EPHA5: variants seen among roughly 807,000 people sequenced by gnomAD.
EPHA5 encodes the protein ephrin type-A receptor 5.
Under a neutral mutation model 105.0 loss-of-function variants are expected in EPHA5, and 60 were observed. The ratio of observed to expected loss-of-function variants is 0.57; its 90% CI spans 0.46 to 0.71. EPHA5 has a LOEUF of 0.71. Ranked by LOEUF, EPHA5 falls within the 30% of genes least tolerant of loss-of-function variation. The probability of loss-of-function intolerance (pLI) is 0.00; values close to 1 mark genes in which losing one functional copy is unlikely to be tolerated. For missense variants in EPHA5, 1,218 were observed against 1,274.7 expected, an observed-to-expected ratio of 0.96 and a Z score of 0.68; for synonymous variants, 513 against 449.1, an observed-to-expected ratio of 1.14 and a Z score of -1.80.
chr4:65,477,499 G>T (rs983849715), intron 5 of EPHA5, among the ~76,000 whole-genome samples: 1 of 151,960 alleles, frequency 6.6e-6, no homozygotes, highest in Non-Finnish European at 1.5e-5. Context: ...TGAAACCTCT[G>T]CCTCCCGGGT....
intron 8 of EPHA5, among the ~76,000 whole-genome samples, chr4:65,388,217 T>C (rs948527064): frequency 5.3e-5 from 8 of 149,966 alleles, no homozygotes; most frequent in African/African-American, 2.0e-4. Flanking sequence ...CAGTCTATCA[T>C]TGTTGGACAT....
intron 2 of EPHA5, among the ~76,000 whole-genome samples, chr4:65,642,680 G>T (rs1214014099): frequency 6.6e-6 from 1 of 151,736 alleles, no homozygotes; most frequent in African/African-American, 2.4e-5. Context: ...TCACACATCT[G>T]GTTTACTCAT....
intron 16 of EPHA5, chr4:65,331,232 C>G: frequency 7.8e-6 from 8 of 1,029,440 alleles, no homozygotes; most frequent in Non-Finnish European, 9.4e-6. Context: ...ACCATAAAGA[C>G]AGTTAATTTT....
intron 5 of EPHA5, among the ~76,000 whole-genome samples, chr4:65,480,285 A>G (rs776856143): frequency 2.6e-5 from 4 of 152,212 alleles, no homozygotes; most frequent in Non-Finnish European, 5.9e-5. Context: ...AAATGTGTCA[A>G]CTTCATTGGA....
intron 3 of EPHA5, among the ~76,000 whole-genome samples, chr4:65,577,058 A>G (rs564488841): frequency 6.6e-6 from 1 of 152,344 alleles, no homozygotes; most frequent in Admixed American, 6.5e-5. Flanking sequence ...TAGAATGTTT[A>G]CATGTGCACT....
chr4:65,555,190 T>C (rs1156633499), intron 3 of EPHA5, among the ~76,000 whole-genome samples: 4 of 151,890 alleles, frequency 2.6e-5, no homozygotes, highest in Non-Finnish European at 4.4e-5. Context: ...CCCATGTGTG[T>C]CCTTAGTAGC....
chr4:65,497,145 A>G, intron 3 of EPHA5, among the ~76,000 whole-genome samples: 1 of 152,164 alleles, frequency 6.6e-6, no homozygotes. Context: ...CTATTTTCAA[A>G]GCTCACTACA....
intron 9 of EPHA5, among the ~76,000 whole-genome samples, chr4:65,366,435 A>G (rs974031742): frequency 6.6e-6 from 1 of 151,862 alleles, no homozygotes; most frequent in South Asian, 2.1e-4. Context: ...TAATCCCATT[A>G]GTATTAATTT....
intron 3 of EPHA5, among the ~76,000 whole-genome samples, chr4:65,589,055 C>A (rs1742389057): frequency 6.6e-6 from 1 of 152,108 alleles, no homozygotes; most frequent in South Asian, 2.1e-4. Flanking sequence ...TATTTAAAAT[C>A]TAATCCAAGT....
At chr4:65,388,148 C>T (rs1577985804) in intron 8 of EPHA5, among the ~76,000 whole-genome samples, 1 of 150,066 alleles carries the variant, frequency 6.7e-6, no homozygotes, top group South Asian at 2.1e-4. Flanking sequence ...GACATGAACT[C>T]ATCATTTTTT....
At chr4:65,642,856 T>G (rs889499233) in intron 2 of EPHA5, among the ~76,000 whole-genome samples, 13 of 151,932 alleles carry the variant, frequency 8.6e-5, no homozygotes, top group African/African-American at 3.1e-4. Flanking sequence ...TCTTGGAATC[T>G]TTTTTTATCT....
At chr4:65,646,860 C>T (rs1430023010) in intron 1 of EPHA5, among the ~76,000 whole-genome samples, 1 of 152,036 alleles carries the variant, frequency 6.6e-6, no homozygotes, top group Non-Finnish European at 1.5e-5. Context: ...GACTATATAA[C>T]ACCACTAAAT....
At chr4:65,558,842 A>C (rs1196052287) in intron 3 of EPHA5, among the ~76,000 whole-genome samples, 2 of 152,198 alleles carry the variant, frequency 1.3e-5, no homozygotes, top group Admixed American at 6.6e-5. Flanking sequence ...TCAAGATGCC[A>C]ATGCTTGCCC....
At chr4:65,428,813 A>G (rs1311072296) in intron 5 of EPHA5, among the ~76,000 whole-genome samples, 1 of 152,088 alleles carries the variant, frequency 6.6e-6, no homozygotes, top group Non-Finnish European at 1.5e-5. Flanking sequence ...CACTTTAAAT[A>G]TTGTTTTGAA....
intron 5 of EPHA5, among the ~76,000 whole-genome samples, chr4:65,479,695 G>A (rs1360597699): frequency 6.6e-6 from 1 of 152,082 alleles, no homozygotes; most frequent in Non-Finnish European, 1.5e-5. Context: ...TACTGGGTGA[G>A]TTGATATGAA....
At chr4:65,652,436 T>C (rs1042643103) in intron 1 of EPHA5, among the ~76,000 whole-genome samples, 1 of 152,138 alleles carries the variant, frequency 6.6e-6, no homozygotes. Context: ...CTAACAATTG[T>C]CTTTTAGTAT....
chr4:65,601,030 T>C (rs577292732), intron 3 of EPHA5, among the ~76,000 whole-genome samples: 10 of 152,160 alleles, frequency 6.6e-5, no homozygotes, highest in Non-Finnish European at 1.3e-4. Flanking sequence ...CTTCAAATAG[T>C]TATTTTTGTG....
intron 6 of EPHA5, among the ~76,000 whole-genome samples, chr4:65,420,151 T>C (rs189383955): frequency 3.9e-5 from 6 of 152,268 alleles, no homozygotes; most frequent in African/African-American, 1.4e-4. Context: ...GCTTAAGTAT[T>C]TGTAACACTT....
intron 3 of EPHA5, chr4:65,574,250 T>G: frequency 6.3e-7 from 1 of 1,596,574 alleles, no homozygotes; most frequent in Non-Finnish European, 8.6e-7. Flanking sequence ...AAATCAAAGC[T>G]ATTCCTCAGC....
Sources: gnomAD v4.1 joint callset for allele counts (sites outside exome capture counted in the v4.1 genomes callset) on GRCh38, gnomAD v4.1.1 for gene constraint, MANE v1.5 for transcripts, NCBI Gene and HGNC (gene_info 2026-07-23, HGNC 2026-07-21) for gene names.